MCTP2: variants seen among roughly 807,000 people sequenced by gnomAD.
MCTP2 encodes the protein multiple C2 and transmembrane domain-containing protein 2.
A neutral mutation model predicts 111.6 loss-of-function variants in MCTP2; 132 were observed. The observed-to-expected ratio is 1.18, with a 90% CI of 1.03 to 1.37. The LOEUF (loss-of-function observed/expected upper bound fraction) is 1.37. Ranked by LOEUF, MCTP2 falls within the 40% of genes most tolerant of loss-of-function variation. The pLI is 0.00. For synonymous variants in MCTP2, 395 were observed against 387.7 expected (o/e 1.02, Z -0.22); for missense variants, 1,183 against 1,067.9 (o/e 1.11, Z -1.50).
intron 17 of MCTP2, among the ~76,000 whole-genome samples, chr15:94,411,542 C>A (rs1219509457): frequency 6.6e-6 from 1 of 152,138 alleles, no homozygotes; most frequent in Non-Finnish European, 1.5e-5. Context: ...GCTGCCTGAT[C>A]TGATGTTTAT....
intron 1 of MCTP2, among the ~76,000 whole-genome samples, chr15:94,262,895 T>A (rs960148082): frequency 6.6e-6 from 1 of 152,224 alleles, no homozygotes; most frequent in African/African-American, 2.4e-5. Context: ...GGTCTCGAAC[T>A]CCTGGCCTCC....
intron 1 of MCTP2, among the ~76,000 whole-genome samples, chr15:94,281,032 T>G (rs891091331): frequency 6.6e-6 from 1 of 152,136 alleles, no homozygotes; most frequent in East Asian, 1.9e-4. Context: ...CAGATGAGAA[T>G]GTATATTCTG....
chr15:94,348,174 C>A (rs1184690989), intron 8 of MCTP2, among the ~76,000 whole-genome samples: 1 of 151,560 alleles, frequency 6.6e-6, no homozygotes, highest in Non-Finnish European at 1.5e-5. Context: ...CAATTGTTGG[C>A]CTGTTTGGTT....
intron 8 of MCTP2, among the ~76,000 whole-genome samples, chr15:94,354,162 G>A (rs2078473975): frequency 6.6e-6 from 1 of 152,078 alleles, no homozygotes; most frequent in Non-Finnish European, 1.5e-5. Context: ...CACCAGAGAA[G>A]AGGATAGTTC....
chr15:94,245,354 A>T (rs1398841180), intron 1 of MCTP2, among the ~76,000 whole-genome samples: 1 of 136,606 alleles, frequency 7.3e-6, no homozygotes, highest in African/African-American at 2.6e-5. Flanking sequence ...TTACATACAT[A>T]TGTATATATA....
rs1043935627 is a variant in MCTP2, at chr15:94,483,475, T to G, written c.*4441T>G. The G allele has an allele frequency of 6.6e-6, 1 of 152,142 alleles. No individual in the cohort carries two copies. The highest frequency in any genetic ancestry group is 1.5e-5 in the Non-Finnish European group (1 of 68,024). The allele number at this position is 152,142 out of a possible 1,614,324, so 9.4% of individuals were successfully genotyped here. A position where few individuals can be genotyped will look rare whatever the true frequency, so the allele number is the denominator to read the frequency against. On this transcript the variant is annotated 3_prime_UTR_variant, in exon 23 of 23. Transcript: ENST00000357742. ...GTCTAAATGCCCATCATTGATAGAATGGATAAAGAAAATGTGGTAGAGGTA... is the reference window on the plus strand; with the variant it reads ...GTCTAAATGCCCATCATTGATAGAAGGGATAAAGAAAATGTGGTAGAGGTA...
chr15:94,383,778 G>A (rs998335434), intron 12 of MCTP2, among the ~76,000 whole-genome samples: 1 of 152,132 alleles, frequency 6.6e-6, no homozygotes, highest in Non-Finnish European at 1.5e-5. Context: ...TATTTGGGTG[G>A]GGACACAACC....
chr15:94,348,942 TTATC>T (rs2078147278), intron 8 of MCTP2, among the ~76,000 whole-genome samples: 1 of 152,096 alleles, frequency 6.6e-6, no homozygotes, highest in Non-Finnish European at 1.5e-5. Context: ...ACAGCCACAT[TTATC>T]TATGTGCTTA....
chr15:94,467,591 G>T (rs141834978), intron 20 of MCTP2, among the ~76,000 whole-genome samples: 123 of 152,136 alleles, frequency 8.1e-4, no homozygotes, highest in African/African-American at 2.8e-3. Flanking sequence ...GCGTAGCGTT[G>T]CAGAGTATAA....
At chr15:94,259,537 C>T (rs949395784) in intron 1 of MCTP2, among the ~76,000 whole-genome samples, 46 of 152,202 alleles carry the variant, frequency 3.0e-4, no homozygotes, top group African/African-American at 1.1e-3. Flanking sequence ...TATTTCTGTT[C>T]TATGTAGTAG....
chr15:94,407,202 G>A (rs935230922), intron 17 of MCTP2, among the ~76,000 whole-genome samples: 34 of 152,200 alleles, frequency 2.2e-4, no homozygotes, highest in Middle Eastern at 3.4e-3. Flanking sequence ...TTATATAAAT[G>A]CATTTTTCAT....
intron 2 of MCTP2, among the ~76,000 whole-genome samples, chr15:94,302,599 C>T (rs553664784): frequency 6.6e-6 from 1 of 152,224 alleles, no homozygotes; most frequent in Non-Finnish European, 1.5e-5. Flanking sequence ...TCCAGATCCA[C>T]ACCCTACTGG....
chr15:94,250,380 C>T (rs2072324986), intron 1 of MCTP2, among the ~76,000 whole-genome samples: 1 of 152,146 alleles, frequency 6.6e-6, no homozygotes, highest in Non-Finnish European at 1.5e-5. Context: ...CTATCCTTCA[C>T]TTGTGCTGAT....
intron 9 of MCTP2, among the ~76,000 whole-genome samples, chr15:94,358,176 C>T (rs1243840963): frequency 6.6e-6 from 1 of 152,178 alleles, no homozygotes; most frequent in Admixed American, 6.5e-5. Flanking sequence ...TGTAAGATGT[C>T]TGCTGATATA....
intron 1 of MCTP2, among the ~76,000 whole-genome samples, chr15:94,244,017 A>G (rs1020656872): frequency 6.8e-6 from 1 of 147,614 alleles, no homozygotes; most frequent in East Asian, 2.0e-4. Context: ...ACATATGTAT[A>G]CACATACGTA....
At chr15:94,390,122 A>ATATG (rs2080863832) in intron 14 of MCTP2, among the ~76,000 whole-genome samples, 1 of 58,000 alleles carries the variant, frequency 1.7e-5, no homozygotes, top group African/African-American at 4.4e-5. Flanking sequence ...ATGTATATAT[A>ATATG]TATATATATA....
At chr15:94,384,254 G>A (rs8023983) in intron 13 of MCTP2, 130 bp downstream of exon 13, 1 of 595,410 alleles carries the variant, frequency 1.7e-6, no homozygotes, top group African/African-American at 3.0e-5. Context: ...TGAAAACCTT[G>A]TATCCTTTCA....
At chr15:94,408,819 A>G (rs952580274) in intron 17 of MCTP2, among the ~76,000 whole-genome samples, 4 of 152,210 alleles carry the variant, frequency 2.6e-5, no homozygotes, top group African/African-American at 7.2e-5. Flanking sequence ...TTAGATCTCA[A>G]TTATTGTAAT....
chr15:94,331,450 G>T (rs1567443951), intron 4 of MCTP2, among the ~76,000 whole-genome samples: 1 of 152,058 alleles, frequency 6.6e-6, no homozygotes, highest in Non-Finnish European at 1.5e-5. Flanking sequence ...AGAAGGCAGG[G>T]GAGGCATGTG....
Sources: allele counts gnomAD v4.1 joint callset (sites outside exome capture counted in the v4.1 genomes callset), GRCh38; gene constraint gnomAD v4.1.1; transcripts MANE v1.5; gene names NCBI Gene and HGNC (gene_info 2026-07-23, HGNC 2026-07-21).